HYAL4: variants seen among roughly 807,000 people sequenced by gnomAD.
The protein encoded by HYAL4 is hyaluronidase 4.
In HYAL4, 37 loss-of-function variants were observed where a neutral mutation model predicts 35.2. That is an observed-to-expected ratio of 1.05 (90% CI 0.81 to 1.38). HYAL4 has a LOEUF of 1.38. HYAL4 is among the 40% of genes most tolerant of loss of function. The pLI, the probability that HYAL4 is intolerant of heterozygous loss-of-function variation, is 0.00. For missense variants in HYAL4, 572 were observed against 572.4 expected (o/e 1.00, Z 0.01); for synonymous variants, 198 against 203.2 (o/e 0.97, Z 0.22).
intron 2 of HYAL4, among the ~76,000 whole-genome samples, chr7:123,854,211 T>A (rs759565294): frequency 7.9e-5 from 12 of 152,306 alleles, no homozygotes; most frequent in African/African-American, 9.6e-5. Flanking sequence ...GTTTTTCATG[T>A]CTCTATTTCC....
intron 1 of HYAL4, among the ~76,000 whole-genome samples, chr7:123,847,515 C>T (rs528960109): frequency 1.6e-4 from 24 of 152,224 alleles, no homozygotes; most frequent in East Asian, 3.9e-4. Context: ...CGGTGGTTTA[C>T]GCCTGTAATC....
chr7:123,771,481 A>G, the HYAL4 span, among the ~76,000 whole-genome samples: 6 of 152,194 alleles, frequency 3.9e-5, no homozygotes, highest in African/African-American at 1.4e-4. Context: ...AGCATCTAGT[A>G]TCTGATTTCA....
the HYAL4 span, among the ~76,000 whole-genome samples, chr7:123,808,520 G>T: frequency 6.6e-6 from 1 of 150,550 alleles, no homozygotes; most frequent in Non-Finnish European, 1.5e-5. Context: ...GAAAATGTAT[G>T]AAAAAAAGCA....
the HYAL4 span, among the ~76,000 whole-genome samples, chr7:123,799,793 CTT>C: frequency 2.4e-4 from 36 of 152,214 alleles, no homozygotes; most frequent in Admixed American, 1.8e-3. Flanking sequence ...AACAAGGTCT[CTT>C]ATTTACTTCA....
chr7:123,779,956 G>A, the HYAL4 span, among the ~76,000 whole-genome samples: 10,057 of 152,094 alleles, frequency 0.066, 422 homozygotes, highest in East Asian at 0.11. Flanking sequence ...ACAATGACAA[G>A]TAAAATTATT....
At chr7:123,796,714 C>T in the HYAL4 span, among the ~76,000 whole-genome samples, 1 of 152,012 alleles carries the variant, frequency 6.6e-6, no homozygotes, top group African/African-American at 2.4e-5. Context: ...AATGGATCAA[C>T]AGAATGTAGT....
chr7:123,816,570 C>A, the HYAL4 span, among the ~76,000 whole-genome samples: 1 of 152,066 alleles, frequency 6.6e-6, no homozygotes, highest in East Asian at 1.9e-4. Flanking sequence ...TTCATAAAAG[C>A]CTTGTTCATT....
chr7:123,861,704 A>T (rs1234582620), intron 2 of HYAL4, among the ~76,000 whole-genome samples: 1 of 152,172 alleles, frequency 6.6e-6, no homozygotes, highest in African/African-American at 2.4e-5. Context: ...ATTTTCACAT[A>T]TTTACAAAAC....
At chr7:123,819,979 C>T in the HYAL4 span, among the ~76,000 whole-genome samples, 2 of 151,568 alleles carry the variant, frequency 1.3e-5, no homozygotes, top group East Asian at 3.9e-4. Flanking sequence ...CAACCTCTGC[C>T]TCCCAGGTAC....
Position 123,839,801 on chromosome 7 carries a change from T to C in HYAL4, c.-256-4444T>C, listed in dbSNP as rs182718891. Among the ~76,000 whole-genome samples, 873 of 150,620 alleles carry C rather than the reference T, an allele frequency of 5.8e-3. 3 individuals carry two copies. The highest frequency in any genetic ancestry group is 8.8e-3 in the Non-Finnish European group (598 of 67,762). On this transcript the variant is annotated intron_variant, in intron 1 of 4. Transcript: ENST00000489978. ...ATATCTTCTTTTGTGAAGTGTCTGT[T>C]CATATCCTTTGCCCACTTTTTAATG...
the HYAL4 span, among the ~76,000 whole-genome samples, chr7:123,801,570 A>G: frequency 1.3e-5 from 2 of 152,204 alleles, no homozygotes; most frequent in Non-Finnish European, 2.9e-5. Context: ...ACCTATTCTT[A>G]TTTCTAAGCA....
the HYAL4 span, among the ~76,000 whole-genome samples, chr7:123,778,218 G>T: frequency 6.7e-6 from 1 of 150,270 alleles, no homozygotes; most frequent in Non-Finnish European, 1.5e-5. Flanking sequence ...ATTATTTCAG[G>T]AGTCATTTGA....
the HYAL4 span, among the ~76,000 whole-genome samples, chr7:123,793,547 C>T: frequency 2.0e-5 from 3 of 152,074 alleles, no homozygotes; most frequent in Admixed American, 6.5e-5. Context: ...GGGCCGTTAG[C>T]CTCATACTCT....
chr7:123,838,852 T>C (rs189952304), intron 1 of HYAL4, among the ~76,000 whole-genome samples: 55 of 152,288 alleles, frequency 3.6e-4, no homozygotes, highest in Non-Finnish European at 6.2e-4. Flanking sequence ...TTTGTTGAAT[T>C]GGGTTAATTT....
At chr7:123,765,904 C>G in the HYAL4 span, among the ~76,000 whole-genome samples, 17 of 152,272 alleles carry the variant, frequency 1.1e-4, no homozygotes, top group East Asian at 3.1e-3. Flanking sequence ...TGGATGTGTT[C>G]TATCACTCTC....
the HYAL4 span, among the ~76,000 whole-genome samples, chr7:123,787,107 CAAAAAAAAAAAA>C: frequency 1.8e-4 from 9 of 49,148 alleles, no homozygotes; most frequent in South Asian, 2.1e-3. Context: ...AACTCTGTCT[CAAAAAAAAAAAA>C]AAAAAAAAGA....
chr7:123,869,690 T>TG (rs35572225), intron 3 of HYAL4, among the ~76,000 whole-genome samples: 22,291 of 151,590 alleles, frequency 0.15, 1,814 homozygotes, highest in Non-Finnish European at 0.18. Flanking sequence ...TGTTTTGTTT[T>TG]TTTTTTTTCT....
chr7:123,764,746 T>C, the HYAL4 span, among the ~76,000 whole-genome samples: 145 of 152,340 alleles, frequency 9.5e-4, no homozygotes, highest in African/African-American at 3.4e-3. Flanking sequence ...TGTTCTCACC[T>C]GTTTGGATAT....
chr7:123,772,878 A>G, the HYAL4 span, among the ~76,000 whole-genome samples: 2 of 152,262 alleles, frequency 1.3e-5, no homozygotes, highest in African/African-American at 4.8e-5. Context: ...AGGGACAAGG[A>G]CACTGTTAGC....
Sources: gnomAD v4.1 joint callset for allele counts (sites outside exome capture counted in the v4.1 genomes callset) on GRCh38, gnomAD v4.1.1 for gene constraint, MANE v1.5 for transcripts, NCBI Gene and HGNC (gene_info 2026-07-23, HGNC 2026-07-21) for gene names.